Variants in TMEM19 observed in about 807,000 individuals in gnomAD.
TMEM19 encodes the protein transmembrane protein 19.
A neutral mutation model predicts 33.6 loss-of-function variants in TMEM19; 21 were observed. The ratio of observed to expected loss-of-function variants is 0.62; its 90% CI spans 0.44 to 0.90. TMEM19 has a LOEUF of 0.90. Ranked by LOEUF, TMEM19 falls within the 40% of genes least tolerant of loss-of-function variation. The pLI is 0.00. For synonymous variants in TMEM19, 149 were observed against 147.5 expected (o/e 1.01, Z -0.07); for missense variants, 402 against 401.8 (o/e 1.00, Z 0.00).
intron 3 of TMEM19, 143 bp from the exon 4 acceptor site, chr12:71,697,137 A>G (rs1161054869): frequency 8.6e-7 from 1 of 1,158,790 alleles, no homozygotes; most frequent in Non-Finnish European, 1.2e-6. Context: ...AATCTGGGCA[A>G]ATGTACCATA....
chr12:71,699,046 G>A lies in TMEM19; in HGVS notation c.784G>A (p.Gly262Ser), dbSNP rs928482331. 1.9e-6 allele frequency: 3 copies of A among 1,614,014 alleles called. No homozygotes were observed. The highest frequency in any genetic ancestry group is 2.7e-5 in the African/African-American group (2 of 74,884). Residue 262 changes from glycine (G) to serine (S), a missense_variant, in exon 5 of 6, where the codon GGT (glycine) becomes AGT (serine). By Grantham distance (56) the Gly-to-Ser change is moderately conservative (BLOSUM62 0). Transcript: ENST00000266673. ...GCAGTGGCCAATTATTGCATTTGGT[G>A]GTTTAGCTGGATTACTAGGATCAAT... ...APQWPIIAFGGLAGLLGSIVD... is the reference protein window; with the variant it reads ...APQWPIIAFGSLAGLLGSIVD...
chr12:71,694,867 C>T (rs1038292941), intron 2 of TMEM19, among the ~76,000 whole-genome samples: 16 of 152,238 alleles, frequency 1.1e-4, no homozygotes, highest in Middle Eastern at 3.4e-3. Flanking sequence ...TTTATGCCTC[C>T]TGGAGATTAC....
chr12:71,686,327 G>A lies in TMEM19; in HGVS notation c.-354G>A, dbSNP rs558518776. 219 of 252,332 alleles carry A rather than the reference G, an allele frequency of 8.7e-4. No homozygotes were observed. Among genetic ancestry groups the A allele is most frequent in the Non-Finnish European group, 1.4e-3 (180 of 130,208 alleles). The allele number at this position is 252,332 out of a possible 1,614,324, so 15.6% of individuals were successfully genotyped here. A position where few individuals can be genotyped will look rare whatever the true frequency, so the allele number is the denominator to read the frequency against. Reference sequence around the variant, plus strand: ...GAGAAGGTTGCGACGGGAGGTGGGTGGAACTCGCCAGCGCCGGGACCGCGG... The same window carrying A: ...GAGAAGGTTGCGACGGGAGGTGGGTAGAACTCGCCAGCGCCGGGACCGCGG... On this transcript the variant is annotated 5_prime_UTR_variant, in exon 1 of 6. Coordinates refer to ENST00000266673, the MANE Select transcript of TMEM19 (RefSeq NM_018279.4).
chr12:71,697,840 G>A (rs1294549670), intron 4 of TMEM19, among the ~76,000 whole-genome samples: 1 of 152,180 alleles, frequency 6.6e-6, no homozygotes, highest in Non-Finnish European at 1.5e-5. Flanking sequence ...TTGAGGGCCT[G>A]TTAGGATATC....
intron 1 of TMEM19, among the ~76,000 whole-genome samples, chr12:71,687,103 G>A (rs1257661838): frequency 6.6e-6 from 1 of 151,836 alleles, no homozygotes; most frequent in Non-Finnish European, 1.5e-5. Context: ...AGGCTCAAGT[G>A]ATCCTCCCAC....
At chr12:71,692,123 G>A (rs907596209) in intron 2 of TMEM19, among the ~76,000 whole-genome samples, 11 of 152,160 alleles carry the variant, frequency 7.2e-5, no homozygotes, top group Admixed American at 5.9e-4. Flanking sequence ...ATTATATGAG[G>A]CAACACATCT....
In TMEM19 at chr12:71,698,953, A is replaced by G; in HGVS notation, c.691A>G (p.Thr231Ala). 1 of 1,614,036 alleles carries G rather than the reference A, an allele frequency of 6.2e-7. No homozygotes were observed. Among genetic ancestry groups the G allele is most frequent in the Non-Finnish European group, 8.5e-7 (1 of 1,179,998 alleles). Residue 231 changes from threonine (T) to alanine (A), a missense_variant, in exon 5 of 6, where the codon ACC becomes GCC. Transcript: ENST00000266673. ...VGLVSSLLGG[T>A]FVGIAYFLTQ... Reference sequence around the variant, plus strand: ...CCTTGTCTCCAGTCTCCTTGGTGGTACCTTTGTGGGCATTGCATACTTCCT... The same window carrying G: ...CCTTGTCTCCAGTCTCCTTGGTGGTGCCTTTGTGGGCATTGCATACTTCCT...
At chr12:71,695,190 T>A (rs1178926892) in intron 2 of TMEM19, among the ~76,000 whole-genome samples, 1 of 152,238 alleles carries the variant, frequency 6.6e-6, no homozygotes, top group African/African-American at 2.4e-5. Flanking sequence ...AAGCGATCTT[T>A]ACACTGCATG....
chr12:71,698,857 G>A (rs1325737216), intron 4 of TMEM19, 43 bp from the exon 5 acceptor site: 1 of 1,587,136 alleles, frequency 6.3e-7, no homozygotes, highest in South Asian at 1.1e-5. Context: ...TTATGTGTTT[G>A]CTGATTATTA....
chr12:71,689,788 TATGAGACTGACTACAA>T (rs1881754507), intron 2 of TMEM19, 84 bp downstream of exon 2: 2 of 903,606 alleles, frequency 2.2e-6, no homozygotes, highest in Non-Finnish European at 3.4e-6. Flanking sequence ...ATTCTGAATA[TATGAGACTGACTACAA>T]ATCACAGTTA....
intron 2 of TMEM19, among the ~76,000 whole-genome samples, chr12:71,693,218 G>A (rs575888151): frequency 4.8e-4 from 72 of 151,490 alleles, no homozygotes; most frequent in African/African-American, 1.7e-3. Context: ...TTTTTTAGAG[G>A]CAGGGTCTCG....
chr12:71,689,588 C>T lies in TMEM19; in HGVS notation c.131-3C>T, dbSNP rs758526843. On this transcript the variant is annotated splice_polypyrimidine_tract_variant and splice_region_variant and intron_variant, in intron 1 of 5. Transcript: ENST00000266673. ...TTTGTGCTCCACCTTTATAATTTTT[C>T]AGGTAACTTACGACCTATTTCTCCG... The T allele has an allele frequency of 3.1e-6, 5 of 1,612,680 alleles. No homozygotes were observed. Among genetic ancestry groups the T allele is most frequent in the Admixed American group, 1.7e-5 (1 of 59,984 alleles).
intron 2 of TMEM19, among the ~76,000 whole-genome samples, chr12:71,694,318 G>A (rs1323590305): frequency 1.3e-5 from 2 of 152,214 alleles, no homozygotes; most frequent in Non-Finnish European, 2.9e-5. Context: ...AGGGGGTGTT[G>A]TCAGGAAAGG....
At chr12:71,697,169 T>G (rs1182783631) in intron 3 of TMEM19, 111 bp from the exon 4 acceptor site, 1 of 1,434,568 alleles carries the variant, frequency 7.0e-7, no homozygotes, top group African/African-American at 1.5e-5. Flanking sequence ...GTTTTTAAAT[T>G]TTTTTGTTGT....
Position 71,704,433 on chromosome 12 carries a change from C to T in TMEM19, c.*3438C>T, listed in dbSNP as rs1448755340. The T allele has an allele frequency of 2.0e-5, 3 of 153,200 alleles. No individual in the cohort carries two copies. Among genetic ancestry groups the T allele is most frequent in the African/African-American group, 7.2e-5 (3 of 41,450 alleles). 9.5% of individuals were successfully genotyped at this position (153,200 alleles called of 1,614,324 possible). ...CTGCCTGTTAGGCACAGTGGGTATA[C>T]TAGGGCCCAATCATCTGATCTTCCT... On this transcript the variant is annotated 3_prime_UTR_variant, in exon 6 of 6. Transcript: ENST00000266673.
chr12:71,691,421 A>G (rs1332460174), intron 2 of TMEM19, among the ~76,000 whole-genome samples: 2 of 151,956 alleles, frequency 1.3e-5, no homozygotes, highest in African/African-American at 4.8e-5. Flanking sequence ...TTATAACATA[A>G]TTTGAACAAT....
chr12:71,699,243 C>A, intron 5 of TMEM19, 134 bp downstream of exon 5: 1 of 888,196 alleles, frequency 1.1e-6, no homozygotes, highest in Non-Finnish European at 1.7e-6. Context: ...AGGGCAAAGT[C>A]TCTTTCACAA....
At chr12:71,693,129 A>G (rs909883688) in intron 2 of TMEM19, among the ~76,000 whole-genome samples, 3 of 151,898 alleles carry the variant, frequency 2.0e-5, no homozygotes, top group African/African-American at 7.2e-5. Flanking sequence ...CAGGAGGCAG[A>G]GGCTGCAGTG....
chr12:71,688,528 C>T (rs891862832), intron 1 of TMEM19, among the ~76,000 whole-genome samples: 3 of 152,162 alleles, frequency 2.0e-5, no homozygotes, highest in Non-Finnish European at 4.4e-5. Flanking sequence ...TGCGCCCGGC[C>T]CATTTTCTCA....
Sources: allele counts gnomAD v4.1 joint callset (sites outside exome capture counted in the v4.1 genomes callset), GRCh38; gene constraint gnomAD v4.1.1; transcripts MANE v1.5; gene names NCBI Gene and HGNC (gene_info 2026-07-23, HGNC 2026-07-21).